CACUL1: variants seen among roughly 807,000 people sequenced by gnomAD.
CACUL1 encodes CDK2-associated and cullin domain-containing protein 1.
A neutral mutation model predicts 45.2 loss-of-function variants in CACUL1; 13 were observed. The observed-to-expected ratio is 0.29, with a 90% CI of 0.19 to 0.46. The LOEUF (loss-of-function observed/expected upper bound fraction) is 0.46, where lower values mean the gene tolerates loss of function less well. Among genes scored for constraint, CACUL1 ranks in the 20% least tolerant of loss-of-function variants. The pLI is 1.00. For missense variants in CACUL1, 421 were observed against 471.4 expected, an observed-to-expected ratio of 0.89 and a Z score of 0.99; for synonymous variants, 197 against 174.2, an observed-to-expected ratio of 1.13 and a Z score of -1.03.
chr10:118,691,996 T>A (rs1275617970), intron 6 of CACUL1, among the ~76,000 whole-genome samples: 1 of 151,808 alleles, frequency 6.6e-6, no homozygotes, highest in Non-Finnish European at 1.5e-5. Flanking sequence ...CAGAAAATTA[T>A]AAGTATGGAG....
At chr10:118,686,702 C>A in intron 7 of CACUL1, 61 bp from the exon 8 acceptor site, 5 of 1,160,308 alleles carry the variant, frequency 4.3e-6, no homozygotes, top group Non-Finnish European at 5.2e-6. Flanking sequence ...AGGAAAGGAT[C>A]AACATATTTG....
At chr10:118,687,821 A>G (rs563869670) in intron 7 of CACUL1, among the ~76,000 whole-genome samples, 10 of 151,524 alleles carry the variant, frequency 6.6e-5, no homozygotes, top group African/African-American at 2.4e-4. Context: ...TTACTACTCA[A>G]TATTATTTTT....
At position 118,685,809 on chromosome 10, in the gene CACUL1, G is replaced by C; in HGVS notation, c.*319C>G. The C allele has an allele frequency of 4.5e-6, 1 of 223,800 alleles. No homozygotes were observed. The highest frequency in any genetic ancestry group is 8.7e-6 in the Non-Finnish European group (1 of 115,162). The allele number at this position is 223,800 out of a possible 1,614,324, so 13.9% of individuals were successfully genotyped here. On this transcript the variant is annotated 3_prime_UTR_variant, in exon 9 of 9. Coordinates refer to ENST00000369151, the MANE Select transcript of CACUL1 (RefSeq NM_153810.5). Reference sequence around the variant, plus strand: ...TTCTTCTGCTCTTATATTTTTGGAGGAAGCTGCTGATTTTGGCTGTCAGAT... The same window carrying C: ...TTCTTCTGCTCTTATATTTTTGGAGCAAGCTGCTGATTTTGGCTGTCAGAT...
At position 118,695,128 on chromosome 10, in the gene CACUL1, G is replaced by C; in HGVS notation, c.886+13C>G. ...AAACAGTTCCAATCCCAACAGAAATGAGAAATGTTTACCTGGTCTGAGGGT... is the reference window on the plus strand; with the variant it reads ...AAACAGTTCCAATCCCAACAGAAATCAGAAATGTTTACCTGGTCTGAGGGT... On this transcript the variant is annotated intron_variant, in intron 6 of 8. Coordinates refer to ENST00000369151, the MANE Select transcript of CACUL1 (RefSeq NM_153810.5). 8 of 1,474,958 alleles carry C rather than the reference G, an allele frequency of 5.4e-6. No homozygotes were observed. Among genetic ancestry groups the C allele is most frequent in the South Asian group, 1.1e-5 (1 of 88,228 alleles). The allele number at this position is 1,474,958 out of a possible 1,614,324, so 91.4% of individuals were successfully genotyped here.
At chr10:118,729,089 T>C (rs759580814) in intron 3 of CACUL1, 71 of 491,582 alleles carry the variant, frequency 1.4e-4, no homozygotes, top group Non-Finnish European at 2.2e-4. Flanking sequence ...ATATATTTAA[T>C]CCAAAAATTT....
intron 5 of CACUL1, among the ~76,000 whole-genome samples, chr10:118,699,746 G>A (rs1238982063): frequency 3.3e-5 from 5 of 151,858 alleles, no homozygotes; most frequent in East Asian, 3.9e-4. Context: ...CCGGGTTCAC[G>A]CCATTCCCCC....
Position 118,685,400 on chromosome 10 carries a change from TC to T in CACUL1, c.*727del, listed in dbSNP as rs1410024028. The T allele has an allele frequency of 7.9e-6, 1 of 127,120 alleles. No individual in the cohort carries two copies. The highest frequency in any genetic ancestry group is 1.8e-5 in the Non-Finnish European group (1 of 55,950). The allele number at this position is 127,120 out of a possible 1,614,324, so 7.9% of individuals were successfully genotyped here. Reference sequence around the variant, plus strand: ...ACCCATGTGCAAAAGGTTTCTATTTTCCCACTTAATTAGCATCCTGCTACAG... The same window carrying T: ...ACCCATGTGCAAAAGGTTTCTATTTTCCACTTAATTAGCATCCTGCTACAG... On this transcript the variant is annotated 3_prime_UTR_variant, in exon 9 of 9. Transcript: ENST00000369151.
chr10:118,691,266 T>G lies in CACUL1; in HGVS notation c.1024A>C (p.Arg342=), dbSNP rs1845262894. The G allele has an allele frequency of 1.9e-6, 3 of 1,609,538 alleles. No individual in the cohort carries two copies. In the African/African-American group the frequency reaches 4.0e-5, roughly 22 times the overall value. Residue 342 remains arginine (R), a splice_region_variant and synonymous_variant, in exon 7 of 9, where the codon AGG becomes CGG. Coordinates refer to ENST00000369151, the MANE Select transcript of CACUL1 (RefSeq NM_153810.5). ...QRELIQNGFT[R]GDQSRKRAGD... ...CTAAAGGAAAAAAAAACAACTTGCC[T>G]TGTAAAACCATTCTGTATAAGTTCT...
At chr10:118,727,327 A>G (rs574671661) in intron 3 of CACUL1, among the ~76,000 whole-genome samples, 2 of 151,892 alleles carry the variant, frequency 1.3e-5, no homozygotes, top group African/African-American at 4.8e-5. Flanking sequence ...CAGGGAGGTC[A>G]AAGCTGCAGT....
Position 118,717,570 on chromosome 10 carries a change from T to A in CACUL1, c.598-9983A>T, listed in dbSNP as rs146039485. Among the ~76,000 whole-genome samples, 194 of 152,286 alleles carry A rather than the reference T, an allele frequency of 1.3e-3. 1 individual carries two copies. Among genetic ancestry groups the A allele is most frequent in the African/African-American group, 4.5e-3 (185 of 41,568 alleles). On this transcript the variant is annotated intron_variant, in intron 3 of 8. Coordinates refer to ENST00000369151, the MANE Select transcript of CACUL1 (RefSeq NM_153810.5). ...AGGTTTCTTTAACTTACATCTGCAATGTTCAACTAGGTGAGAAGAATTTCA... is the reference window on the plus strand; with the variant it reads ...AGGTTTCTTTAACTTACATCTGCAAAGTTCAACTAGGTGAGAAGAATTTCA...
In CACUL1 at chr10:118,744,984, A is replaced by G. The variant is rs184865245; in HGVS notation, c.367+9412T>C. The stretch of plus-strand genomic sequence containing the variant: ...CAACTTTTAAAAAAAGATACGTGAC[A>G]GTTTTGAGCAAAATTAATGACAGTG... On this transcript the variant is annotated intron_variant, in intron 1 of 8. Coordinates refer to ENST00000369151, the MANE Select transcript of CACUL1 (RefSeq NM_153810.5). Among the ~76,000 whole-genome samples, 474 of 152,286 alleles carry G rather than the reference A, an allele frequency of 3.1e-3. 2 individuals are homozygous for G. The highest frequency in any genetic ancestry group is 9.9e-3 in the African/African-American group (413 of 41,552).
intron 1 of CACUL1, among the ~76,000 whole-genome samples, chr10:118,734,216 A>G (rs1350002623): frequency 6.6e-6 from 1 of 152,248 alleles, no homozygotes; most frequent in East Asian, 1.9e-4. Flanking sequence ...TGCATTAGAA[A>G]ATACATAAGC....
intron 5 of CACUL1, among the ~76,000 whole-genome samples, chr10:118,700,256 C>T (rs1190039117): frequency 6.6e-6 from 1 of 151,946 alleles, no homozygotes; most frequent in African/African-American, 2.4e-5. Flanking sequence ...GTGCCACATT[C>T]GAAAAAATGA....
intron 3 of CACUL1, among the ~76,000 whole-genome samples, chr10:118,719,454 T>G (rs1244399298): frequency 6.6e-6 from 1 of 152,194 alleles, no homozygotes; most frequent in Non-Finnish European, 1.5e-5. Flanking sequence ...CATGGACAGA[T>G]GTGTCATGGC....
intron 3 of CACUL1, among the ~76,000 whole-genome samples, chr10:118,714,987 CTATT>C (rs1845528280): frequency 6.6e-6 from 1 of 152,162 alleles, no homozygotes; most frequent in African/African-American, 2.4e-5. Context: ...CTTGAATGTA[CTATT>C]TATTTAATCA....
chr10:118,690,620 G>T lies in CACUL1; in HGVS notation c.1025+645C>A, dbSNP rs147650400. ...TACAGAATTTAAAGCCTCTATGCTA[G>T]GTTAGTCATAAAAGTACATTATAAC... is the stretch of plus-strand genomic sequence containing the variant. On this transcript the variant is annotated intron_variant, in intron 7 of 8. Coordinates refer to ENST00000369151, the MANE Select transcript of CACUL1 (RefSeq NM_153810.5). Among the ~76,000 whole-genome samples, 670 of 152,316 alleles carry T rather than the reference G, an allele frequency of 4.4e-3. 4 individuals are homozygous for T. The highest frequency in any genetic ancestry group is 5.4e-3 in the Non-Finnish European group (368 of 68,036).
intron 7 of CACUL1, among the ~76,000 whole-genome samples, chr10:118,690,448 T>C (rs1845253740): frequency 6.6e-6 from 1 of 151,922 alleles, no homozygotes; most frequent in Admixed American, 6.6e-5. Context: ...AGTTGAAAAA[T>C]GCACTCTGCA....
intron 1 of CACUL1, among the ~76,000 whole-genome samples, chr10:118,747,638 G>A (rs1473224676): frequency 5.3e-5 from 8 of 150,086 alleles, no homozygotes; most frequent in Admixed American, 5.3e-4. Context: ...GCGAGAACGT[G>A]GAAGAATCTC....
At position 118,723,898 on chromosome 10, in the gene CACUL1, G is replaced by A. The variant is rs140389737; in HGVS notation, c.597+5397C>T. Among the ~76,000 whole-genome samples, 21 of 151,698 alleles carry A rather than the reference G, an allele frequency of 1.4e-4. 1 individual carries two copies. The highest frequency in any genetic ancestry group is 4.6e-4 in the African/African-American group (19 of 41,392). On this transcript the variant is annotated intron_variant, in intron 3 of 8. Transcript: ENST00000369151. ...CTCTGTCTCAGCCTCCTGAGCAGCT[G>A]AGATTATAGGCGCCCACCACCACAC...
Sources: allele counts gnomAD v4.1 joint callset (sites outside exome capture counted in the v4.1 genomes callset), GRCh38; gene constraint gnomAD v4.1.1; transcripts MANE v1.5; gene names NCBI Gene and HGNC (gene_info 2026-07-23, HGNC 2026-07-21).